DLC1: variants seen among roughly 807,000 people sequenced by gnomAD.
The protein encoded by DLC1 is DLC1 Rho GTPase activating protein, also known as rho GTPase-activating protein 7.
DLC1 carries 54 observed loss-of-function variants against 140.3 expected under a neutral mutation model. The ratio of observed to expected loss-of-function variants is 0.38; its 90% CI spans 0.31 to 0.48. DLC1 has a LOEUF of 0.48. Ranked by LOEUF, DLC1 falls within the 20% of genes least tolerant of loss-of-function variation. The probability of loss-of-function intolerance (pLI) is 0.96; values close to 1 mark genes in which losing one functional copy is unlikely to be tolerated. For missense variants in DLC1, 2,536 were observed against 1,907.0 expected (o/e 1.33, Z -6.14); for synonymous variants, 986 against 728.1 (o/e 1.35, Z -5.70).
chr8:13,371,689 A>C (rs1835737571), intron 4 of DLC1, among the ~76,000 whole-genome samples: 1 of 152,046 alleles, frequency 6.6e-6, no homozygotes, highest in African/African-American at 2.4e-5. Context: ...CCATTGTGTA[A>C]CACCTTCAGC....
intron 5 of DLC1, among the ~76,000 whole-genome samples, chr8:13,203,001 A>C (rs932303092): frequency 6.6e-6 from 1 of 152,100 alleles, no homozygotes; most frequent in African/African-American, 2.4e-5. Context: ...TCCTTTCTTT[A>C]TCAAAATTAG....
intron 4 of DLC1, among the ~76,000 whole-genome samples, chr8:13,362,886 T>C (rs569785728): frequency 2.6e-5 from 4 of 152,180 alleles, no homozygotes; most frequent in African/African-American, 9.7e-5. Context: ...TCTCATCACT[T>C]AAGTGTTCCA....
intron 4 of DLC1, among the ~76,000 whole-genome samples, chr8:13,359,834 G>A (rs1019052596): frequency 6.6e-6 from 1 of 152,164 alleles, no homozygotes; most frequent in Non-Finnish European, 1.5e-5. Context: ...TTGTAACTTT[G>A]AACAGGTTGG....
At chr8:13,587,713 G>A (rs545908727) in intron 1 of DLC1, among the ~76,000 whole-genome samples, 41 of 151,234 alleles carry the variant, frequency 2.7e-4, no homozygotes, top group African/African-American at 9.4e-4. Flanking sequence ...TACCTGGGAA[G>A]TAAAAATGAA....
At chr8:13,133,139 A>G in intron 5 of DLC1, 2 of 1,451,672 alleles carry the variant, frequency 1.4e-6, no homozygotes, top group Non-Finnish European at 1.8e-6. Flanking sequence ...TCACGGCCCC[A>G]GAAAGAAAGC....
chr8:13,297,872 T>G (rs1450227838), intron 5 of DLC1, among the ~76,000 whole-genome samples: 2 of 151,046 alleles, frequency 1.3e-5, no homozygotes, highest in East Asian at 3.9e-4. Context: ...TTTAGTTTTT[T>G]TTTGTTGTTG....
At chr8:13,589,448 A>G (rs534415324) in intron 1 of DLC1, among the ~76,000 whole-genome samples, 1 of 152,226 alleles carries the variant, frequency 6.6e-6, no homozygotes, top group African/African-American at 2.4e-5. Context: ...CTTTGTGGAT[A>G]GATCACATGA....
chr8:13,595,923 A>G (rs768223135), intron 1 of DLC1, among the ~76,000 whole-genome samples: 9 of 152,014 alleles, frequency 5.9e-5, no homozygotes, highest in Non-Finnish European at 1.3e-4. Flanking sequence ...ATTTCTAAAT[A>G]TATCACACAA....
intron 4 of DLC1, among the ~76,000 whole-genome samples, chr8:13,367,230 G>A (rs1835528471): frequency 6.6e-6 from 1 of 152,180 alleles, no homozygotes; most frequent in Non-Finnish European, 1.5e-5. Context: ...GATCTGATCA[G>A]TTTTACAAGG....
At position 13,085,784 on chromosome 8, in the gene DLC1, G is replaced by C; in HGVS notation, c.*27C>G. 6.2e-7 allele frequency: 1 copy of C among 1,613,880 alleles called. No homozygotes were observed. The highest frequency in any genetic ancestry group is 1.3e-5 in the African/African-American group (1 of 75,032). On this transcript the variant is annotated 3_prime_UTR_variant, in exon 18 of 18. Coordinates refer to ENST00000276297, the MANE Select transcript of DLC1 (RefSeq NM_182643.3). ...AGTTCTAGAAACAAACACCATGGTG[G>C]TGGAAGCGGTTGCGTTGCTTCAGTG...
chr8:13,156,935 T>TC (rs2128981801), intron 5 of DLC1, among the ~76,000 whole-genome samples: 1 of 152,322 alleles, frequency 6.6e-6, no homozygotes, highest in African/African-American at 2.4e-5. Flanking sequence ...GATTTTTTTT[T>TC]CCGAGTATGA....
At chr8:13,331,377 G>C (rs1032033923) in intron 4 of DLC1, among the ~76,000 whole-genome samples, 41 of 152,134 alleles carry the variant, frequency 2.7e-4, no homozygotes, top group African/African-American at 9.9e-4. Context: ...TAGAGAACAA[G>C]TTCTAAGCTG....
intron 5 of DLC1, among the ~76,000 whole-genome samples, chr8:13,286,371 G>A (rs188286672): frequency 5.4e-4 from 82 of 152,136 alleles, no homozygotes; most frequent in African/African-American, 1.8e-3. Context: ...GTTGTGTTAA[G>A]TGGATTAAAT....
At chr8:13,365,555 C>T (rs773743851) in intron 4 of DLC1, among the ~76,000 whole-genome samples, 1 of 152,098 alleles carries the variant, frequency 6.6e-6, no homozygotes, top group Non-Finnish European at 1.5e-5. Context: ...TGAGATGTTA[C>T]CAATTTCTCT....
At chr8:13,221,989 A>C (rs1026858960) in intron 5 of DLC1, among the ~76,000 whole-genome samples, 7 of 144,834 alleles carry the variant, frequency 4.8e-5, no homozygotes, top group Middle Eastern at 7.2e-3. Flanking sequence ...TATATTATAT[A>C]ATATATAATA....
chr8:13,531,609 A>C (rs143295419), intron 1 of DLC1, among the ~76,000 whole-genome samples: 142 of 152,268 alleles, frequency 9.3e-4, no homozygotes, highest in African/African-American at 3.2e-3. Context: ...AAAAACCCTT[A>C]ATACTAGCAA....
intron 1 of DLC1, among the ~76,000 whole-genome samples, chr8:13,543,042 C>A (rs12543313): frequency 1.3e-5 from 2 of 151,890 alleles, no homozygotes. Flanking sequence ...ACTAGCTTTG[C>A]ATATGGACAA....
intron 4 of DLC1, among the ~76,000 whole-genome samples, chr8:13,356,494 C>T (rs1834948946): frequency 6.6e-6 from 1 of 152,226 alleles, no homozygotes; most frequent in African/African-American, 2.4e-5. Flanking sequence ...TCAGGTCCCA[C>T]CTGAAGCCTA....
chr8:13,465,816 C>G (rs1204966795), intron 2 of DLC1, among the ~76,000 whole-genome samples: 3 of 151,732 alleles, frequency 2.0e-5, no homozygotes, highest in Admixed American at 1.3e-4. Flanking sequence ...TACCATATGC[C>G]CCTCCAATGC....
Sources: allele counts gnomAD v4.1 joint callset (sites outside exome capture counted in the v4.1 genomes callset), GRCh38; gene constraint gnomAD v4.1.1; transcripts MANE v1.5; gene names NCBI Gene and HGNC (gene_info 2026-07-23, HGNC 2026-07-21).